The following MDM2 variants were observed in gnomAD, a reference collection of about 807,000 sequenced individuals.
The protein encoded by MDM2 is MDM2 proto-oncogene, also known as E3 ubiquitin-protein ligase Mdm2.
A neutral mutation model predicts 64.3 loss-of-function variants in MDM2; 11 were observed. The ratio of observed to expected loss-of-function variants is 0.17; its 90% CI spans 0.11 to 0.28. The LOEUF (loss-of-function observed/expected upper bound fraction) is 0.28. Ranked by LOEUF, MDM2 falls within the 10% of genes least tolerant of loss-of-function variation. The pLI is 1.00. For missense variants in MDM2, 388 were observed against 577.1 expected, an observed-to-expected ratio of 0.67 and a Z score of 3.36; for synonymous variants, 194 against 192.9, an observed-to-expected ratio of 1.01 and a Z score of -0.05.
chr12:68,833,273 T>A (rs1341505008), intron 8 of MDM2, among the ~76,000 whole-genome samples: 6 of 54,870 alleles, frequency 1.1e-4, no homozygotes, highest in Admixed American at 5.8e-4. Context: ...AATTATATAT[T>A]TATATAAATA....
At chr12:68,825,711 CGTA>C (rs1882261413) in intron 7 of MDM2, among the ~76,000 whole-genome samples, 1 of 152,066 alleles carries the variant, frequency 6.6e-6, no homozygotes, top group Non-Finnish European at 1.5e-5. Context: ...AGTTAGTAGA[CGTA>C]GTAGACGAGA....
intron 2 of MDM2, among the ~76,000 whole-genome samples, chr12:68,810,730 G>T (rs1880811021): frequency 6.6e-6 from 1 of 152,088 alleles, no homozygotes; most frequent in Non-Finnish European, 1.5e-5. Flanking sequence ...CAAAGTGCTG[G>T]GATTACAGGC....
rs1883762208 is a variant in MDM2, at chr12:68,841,485, C to A, written c.*1636C>A. 9.6e-6 allele frequency: 2 copies of A among 209,318 alleles called. No homozygotes were observed. Among genetic ancestry groups the A allele is most frequent in the Non-Finnish European group, 1.9e-5 (2 of 103,046 alleles). 13.0% of individuals were successfully genotyped at this position (209,318 alleles called of 1,614,324 possible). ...ATGATGTTATCTGTGAAAATAGCCA[C>A]CATTTACCCGTAAGACAAAACTTGT... On this transcript the variant is annotated 3_prime_UTR_variant, in exon 11 of 11. Transcript: ENST00000258149.
In MDM2 at chr12:68,816,838, T is replaced by C. The variant is rs1451125299; in HGVS notation, c.201T>C (p.Ile67=). The change falls in exon 4 of 11, where the codon ATT becomes ATC. Residue 67 remains isoleucine, a synonymous_variant. Transcript: ENST00000258149. The stretch of plus-strand genomic sequence containing the variant: ...TTCTTTTTTATCTTGGCCAGTATAT[T>C]ATGACTAAACGATTATATGATGAGA... ...KEVLFYLGQY[I]MTKRLYDEKQ... The C allele has an allele frequency of 6.2e-7, 1 of 1,606,830 alleles. No individual in the cohort carries two copies. Among genetic ancestry groups the C allele is most frequent in the Admixed American group, 1.7e-5 (1 of 58,344 alleles).
chr12:68,845,323 A>C lies in MDM2; in HGVS notation c.*5474A>C, dbSNP rs1286373081. The C allele has an allele frequency of 4.7e-6, 1 of 212,634 alleles. No individual in the cohort carries two copies. Among genetic ancestry groups the C allele is most frequent in the African/African-American group, 2.3e-5 (1 of 44,124 alleles). 13.2% of individuals were successfully genotyped at this position (212,634 alleles called of 1,614,324 possible). On this transcript the variant is annotated 3_prime_UTR_variant, in exon 11 of 11. Transcript: ENST00000258149. ...AGGGACTTTTTGACATTTACAAATA[A>C]TACTTTGAGGTAGATATCTGAAAGC...
At chr12:68,847,448 C>CTTTATTTT (rs1461223164), downstream of MDM2, 1 of 66,774 alleles carries the variant, frequency 1.5e-5, no homozygotes. Context: ...TTTGTATCTC[C>CTTTATTTT]TTTCTTTTTT....
At position 68,845,519 on chromosome 12, in the gene MDM2, T is replaced by G; in HGVS notation, c.*5670T>G. On this transcript the variant is annotated 3_prime_UTR_variant, in exon 11 of 11. Coordinates refer to ENST00000258149, the MANE Select transcript of MDM2 (RefSeq NM_002392.6). Reference sequence around the variant, plus strand: ...ATTTAACGTTAGAGTAATAGTATTTTGAATGAAAACCATAGTTGATTGTCT... The same window carrying G: ...ATTTAACGTTAGAGTAATAGTATTTGGAATGAAAACCATAGTTGATTGTCT... 3 of 194,810 alleles carry G rather than the reference T, an allele frequency of 1.5e-5. No homozygotes were observed. 12.1% of individuals were successfully genotyped at this position (194,810 alleles called of 1,614,324 possible).
intron 5 of MDM2, among the ~76,000 whole-genome samples, chr12:68,822,657 T>C (rs1484614646): frequency 1.3e-5 from 2 of 152,176 alleles, no homozygotes; most frequent in Non-Finnish European, 2.9e-5. Context: ...AGATGGAAAC[T>C]TACAAATTAC....
intron 8 of MDM2, among the ~76,000 whole-genome samples, chr12:68,833,331 A>ATATATTTATAT (rs1565744202): frequency 1.3e-3 from 96 of 74,074 alleles, no homozygotes; most frequent in Non-Finnish European, 2.9e-3. Context: ...ATATAAATAT[A>ATATATTTATAT]AAAATATATA....
At chr12:68,821,878 G>A (rs546045095) in intron 5 of MDM2, among the ~76,000 whole-genome samples, 5 of 152,118 alleles carry the variant, frequency 3.3e-5, no homozygotes, top group African/African-American at 1.2e-4. Flanking sequence ...TTGTTTTTGA[G>A]ATGGGCTCTC....
At chr12:68,814,495 C>T (rs1881182025) in intron 3 of MDM2, 1 of 266,708 alleles carries the variant, frequency 3.7e-6, no homozygotes, top group African/African-American at 2.3e-5. Flanking sequence ...TTGTTGCCTA[C>T]ATTTATAATC....
At chr12:68,847,600 C>G (rs1884419303), downstream of MDM2, 1 of 151,270 alleles carries the variant, frequency 6.6e-6, no homozygotes, top group African/African-American at 2.4e-5. Flanking sequence ...ACTACAGGCG[C>G]CCGCCACCGC....
chr12:68,845,389 A>G lies in MDM2; in HGVS notation c.*5540A>G, dbSNP rs1057196546. The G allele has an allele frequency of 2.4e-5, 5 of 210,254 alleles. No homozygotes were observed. Among genetic ancestry groups the G allele is most frequent in the Admixed American group, 1.2e-4 (2 of 16,948 alleles). 13.0% of individuals were successfully genotyped at this position (210,254 alleles called of 1,614,324 possible). On this transcript the variant is annotated 3_prime_UTR_variant, in exon 11 of 11. Coordinates refer to ENST00000258149, the MANE Select transcript of MDM2 (RefSeq NM_002392.6). Reference sequence around the variant, plus strand: ...GTGTTCAGAAGTAACAAATTATAAAATGAGCTAACAAACGAAAGGCAAAAT... The same window carrying G: ...GTGTTCAGAAGTAACAAATTATAAAGTGAGCTAACAAACGAAAGGCAAAAT...
Position 68,833,286 on chromosome 12 carries a change from A to T in MDM2, c.685-2543A>T, listed in dbSNP as rs866607944. On this transcript the variant is annotated intron_variant, in intron 8 of 10. Coordinates refer to ENST00000258149, the MANE Select transcript of MDM2 (RefSeq NM_002392.6). ...ATAATTATATATTTATATAAATATA[A>T]ATATATATATTTATATAAATATAAA... Among the ~76,000 whole-genome samples, 391 of 83,878 alleles carry T rather than the reference A, an allele frequency of 4.7e-3. 7 individuals are homozygous for T. Among genetic ancestry groups the T allele is most frequent in the Middle Eastern group, 0.011 (2 of 180 alleles). The allele number at this position is 83,878 out of a possible 152,430, so 55.0% of individuals were successfully genotyped here. A position where few individuals can be genotyped will look rare whatever the true frequency, so the allele number is the denominator to read the frequency against.
At chr12:68,822,618 G>T (rs1881956373) in intron 5 of MDM2, among the ~76,000 whole-genome samples, 1 of 151,902 alleles carries the variant, frequency 6.6e-6, no homozygotes, top group Non-Finnish European at 1.5e-5. Context: ...AATAAACTTT[G>T]GCACATTACT....
In MDM2 at chr12:68,809,290, C is replaced by G. The variant is rs1295572460; in HGVS notation, c.97C>G (p.Leu33Val). Residue 33 changes from leucine (L) to valine (V), a missense_variant and splice_region_variant, in exon 2 of 11, where the codon CTG (leucine) becomes GTG (valine). Coordinates refer to ENST00000258149, the MANE Select transcript of MDM2 (RefSeq NM_002392.6). ...GATTCCAGCTTCGGAACAAGAGACC[C>G]TGGTTAGTATTTTTGTCTCGTGTAA... ...SQIPASEQET[L>V]VRPKPLLLKL... 6.2e-7 allele frequency: 1 copy of G among 1,613,580 alleles called. No individual in the cohort carries two copies. The highest frequency in any genetic ancestry group is 1.7e-5 in the Admixed American group (1 of 60,002).
Position 68,833,317 on chromosome 12 carries a change from A to AT in MDM2, c.685-2512_685-2511insT, listed in dbSNP as rs1565744155. Among the ~76,000 whole-genome samples, 96 of 120,908 alleles carry AT rather than the reference A, an allele frequency of 7.9e-4. 8 individuals carry two copies. The highest frequency in any genetic ancestry group is 2.2e-3 in the African/African-American group (76 of 33,922). The allele number at this position is 120,908 out of a possible 152,430, so 79.3% of individuals were successfully genotyped here. ...TATATTTATATAAATATAAAAATAT[A>AT]ATTATATAAATATAAAAATATATAT... is the stretch of plus-strand genomic sequence containing the variant. On this transcript the variant is annotated intron_variant, in intron 8 of 10. Transcript: ENST00000258149.
chr12:68,842,456 A>G lies in MDM2; in HGVS notation c.*2607A>G, dbSNP rs1327256822. 2 of 427,522 alleles carry G rather than the reference A, an allele frequency of 4.7e-6. No individual in the cohort carries two copies. Among genetic ancestry groups the G allele is most frequent in the Non-Finnish European group, 9.2e-6 (2 of 218,490 alleles). 26.5% of individuals were successfully genotyped at this position (427,522 alleles called of 1,614,324 possible). A position where few individuals can be genotyped will look rare whatever the true frequency, so the allele number is the denominator to read the frequency against. ...TCTCCTTTGGAGACTTAGAACCTCTAAATTATTGACTTATTTTTTATATAA... is the reference window on the plus strand; with the variant it reads ...TCTCCTTTGGAGACTTAGAACCTCTGAATTATTGACTTATTTTTTATATAA... On this transcript the variant is annotated 3_prime_UTR_variant, in exon 11 of 11. Transcript: ENST00000258149.
At chr12:68,847,196 T>TTATATATATATATATATATATATATATA (rs59862219), downstream of MDM2, 2,445 of 90,738 alleles carry the variant, frequency 0.027, 189 homozygotes, top group Non-Finnish European at 0.034. Flanking sequence ...TGTGTGTACA[T>TTATATATATATATATATATATATATATA]TATATATATA....
Sources: allele counts gnomAD v4.1 joint callset (sites outside exome capture counted in the v4.1 genomes callset), GRCh38; gene constraint gnomAD v4.1.1; transcripts MANE v1.5; gene names NCBI Gene and HGNC (gene_info 2026-07-23, HGNC 2026-07-21).